NLRP5: variants seen among roughly 807,000 people sequenced by gnomAD.
The protein encoded by NLRP5 is NACHT, LRR and PYD domains-containing protein 5.
Under a neutral mutation model 113.1 loss-of-function variants are expected in NLRP5, and 93 were observed. The ratio of observed to expected loss-of-function variants is 0.82; its 90% CI spans 0.70 to 0.98. NLRP5 has a LOEUF of 0.98. NLRP5 is among the 50% of genes least tolerant of loss of function. The pLI is 0.00. For missense variants in NLRP5, 1,808 were observed against 1,514.3 expected (o/e 1.19, Z -3.22); for synonymous variants, 751 against 600.7 (o/e 1.25, Z -3.66).
At chr19:56,039,818 G>T (rs1462712252) in intron 10 of NLRP5, among the ~76,000 whole-genome samples, 4 of 152,146 alleles carry the variant, frequency 2.6e-5, no homozygotes, top group African/African-American at 9.7e-5. Flanking sequence ...GGAGGCTGAG[G>T]CAGGAGACTC....
chr19:56,033,418 GTTT>G (rs1168006401), intron 8 of NLRP5, 121 bp from the exon 9 acceptor site: 9 of 762,128 alleles, frequency 1.2e-5, no homozygotes, highest in Non-Finnish European at 2.0e-5. Context: ...GGTATTCGTT[GTTT>G]TAAAAGGAAA....
chr19:56,013,442 T>C (rs2123284155), intron 3 of NLRP5, among the ~76,000 whole-genome samples: 1 of 152,166 alleles, frequency 6.6e-6, no homozygotes, highest in Middle Eastern at 3.4e-3. Context: ...TCTGCCCACC[T>C]CAGCCTCCCA....
Position 56,008,775 on chromosome 19 carries a change from CTT to C in NLRP5, c.443-11_443-10del, listed in dbSNP as rs1982054007. On this transcript the variant is annotated splice_polypyrimidine_tract_variant and intron_variant, in intron 2 of 14. Coordinates refer to ENST00000390649, the MANE Select transcript of NLRP5 (RefSeq NM_153447.4). The stretch of plus-strand genomic sequence containing the variant: ...TTCATTGAGGCCAGTCTCCCTTTTT[CTT>C]TGTCTTCCAGGACATTCACCAGAAG... 2 of 1,602,096 alleles carry C rather than the reference CTT, an allele frequency of 1.2e-6. No homozygotes were observed. Among genetic ancestry groups the C allele is most frequent in the East Asian group, 4.5e-5 (2 of 44,690 alleles).
At chr19:56,005,107 A>AAAAAAAAAAAAAAATATATATATATAT (rs1173746273) in intron 2 of NLRP5, among the ~76,000 whole-genome samples, 1 of 95,344 alleles carries the variant, frequency 1.0e-5, no homozygotes, top group African/African-American at 3.9e-5. Context: ...AAAAAAAAAA[A>AAAAAAAAAAAAAAATATATATATATAT]ATATATATAT....
intron 10 of NLRP5, among the ~76,000 whole-genome samples, chr19:56,038,837 CAG>C (rs1184046198): frequency 3.9e-5 from 6 of 152,120 alleles, no homozygotes; most frequent in Admixed American, 6.6e-5. Context: ...TTTTCCGTGT[CAG>C]AGTTTTGTTG....
At position 56,055,792 on chromosome 19, in the gene NLRP5, G is replaced by A. The variant is rs573013550; in HGVS notation, c.3299+1984G>A. Among the ~76,000 whole-genome samples the A allele has an allele frequency of 5.3e-3, 811 of 151,834 alleles. 5 individuals carry two copies. Among genetic ancestry groups the A allele is most frequent in the African/African-American group, 0.018 (740 of 41,388 alleles). ...AATCTCCTGACCTCATGATCTGCCC[G>A]CCTTGGCCTCCCAAAGTGCTGGGAT... On this transcript the variant is annotated intron_variant, in intron 13 of 14. Transcript: ENST00000390649.
chr19:56,049,379 C>G (rs1467795574), intron 11 of NLRP5, among the ~76,000 whole-genome samples: 6 of 152,098 alleles, frequency 3.9e-5, no homozygotes. Context: ...TGGGGTTTCT[C>G]CATGTTGGTC....
intron 9 of NLRP5, among the ~76,000 whole-genome samples, chr19:56,034,932 A>G (rs559367524): frequency 1.3e-5 from 2 of 152,130 alleles, no homozygotes; most frequent in East Asian, 1.9e-4. Flanking sequence ...CAACTATTTA[A>G]TGTTTATATA....
chr19:56,018,618 T>C lies in NLRP5; in HGVS notation c.566-724T>C, dbSNP rs187799473. ...AATTCTTTTTTTAAGAGAGAGAGTT[T>C]TGCTGTATTGCTGAGACTACAATGC... is the stretch of plus-strand genomic sequence containing the variant. On this transcript the variant is annotated intron_variant, in intron 4 of 14. Coordinates refer to ENST00000390649, the MANE Select transcript of NLRP5 (RefSeq NM_153447.4). 6 of 152,326 alleles carry C rather than the reference T, an allele frequency of 3.9e-5. No homozygotes were observed. In the East Asian group the frequency reaches 1.2e-3, roughly 29 times the overall value. The allele number at this position is 152,326 out of a possible 1,614,324, so 9.4% of individuals were successfully genotyped here. A position where few individuals can be genotyped will look rare whatever the true frequency, so the allele number is the denominator to read the frequency against.
chr19:56,011,188 C>CT (rs1982177512), intron 3 of NLRP5, among the ~76,000 whole-genome samples: 1 of 151,724 alleles, frequency 6.6e-6, no homozygotes, highest in South Asian at 2.1e-4. Flanking sequence ...TTAATGTATG[C>CT]TACAAGATGG....
At chr19:56,010,742 C>CCCAAAAAAAAAAAAAAAAAAAAAA (rs1555764914) in intron 3 of NLRP5, among the ~76,000 whole-genome samples, 2 of 41,278 alleles carry the variant, frequency 4.8e-5, no homozygotes, top group African/African-American at 1.0e-4. Flanking sequence ...AACTCTGTCT[C>CCCAAAAAAAAAAAAAAAAAAAAAA]AAAAAAAAAA....
chr19:56,021,879 A>G (rs1263706619), intron 6 of NLRP5, among the ~76,000 whole-genome samples: 3 of 152,158 alleles, frequency 2.0e-5, no homozygotes, highest in African/African-American at 7.2e-5. Context: ...TTCTGAAAAA[A>G]GGGGCTCTGG....
At chr19:56,021,937 C>CT (rs1982632315) in intron 6 of NLRP5, among the ~76,000 whole-genome samples, 1 of 152,134 alleles carries the variant, frequency 6.6e-6, no homozygotes, top group Non-Finnish European at 1.5e-5. Flanking sequence ...GTGGTGATGC[C>CT]AGGAGTCAGT....
the NLRP5 span, among the ~76,000 whole-genome samples, chr19:55,991,337 ATTC>A: frequency 1.2e-3 from 176 of 152,302 alleles, no homozygotes; most frequent in African/African-American, 3.8e-3. Flanking sequence ...AGTGAATATC[ATTC>A]TTCTTAGAAT....
Position 56,008,773 on chromosome 19 carries a change from T to G in NLRP5, c.443-15T>G, listed in dbSNP as rs775929051. ...ACTTCATTGAGGCCAGTCTCCCTTT[T>G]TCTTTGTCTTCCAGGACATTCACCA... On this transcript the variant is annotated splice_polypyrimidine_tract_variant and intron_variant, in intron 2 of 14. Coordinates refer to ENST00000390649, the MANE Select transcript of NLRP5 (RefSeq NM_153447.4). The G allele has an allele frequency of 1.2e-5, 19 of 1,601,052 alleles. No homozygotes were observed. The highest frequency in any genetic ancestry group is 1.6e-5 in the Non-Finnish European group (19 of 1,173,478).
the NLRP5 span, among the ~76,000 whole-genome samples, chr19:55,993,392 TCTCCC>T: frequency 7.4e-5 from 1 of 13,604 alleles, no homozygotes; most frequent in Non-Finnish European, 1.3e-4. Flanking sequence ...CTCCCCCTCC[TCTCCC>T]CCTCCTCTCC....
At chr19:56,050,020 C>T (rs913602400) in intron 11 of NLRP5, among the ~76,000 whole-genome samples, 2 of 152,094 alleles carry the variant, frequency 1.3e-5, no homozygotes, top group African/African-American at 4.8e-5. Flanking sequence ...TGGCTGACAC[C>T]TGTAATCCCA....
At chr19:56,041,148 G>A (rs988416684) in intron 11 of NLRP5, 56 bp downstream of exon 11, 2 of 1,564,864 alleles carry the variant, frequency 1.3e-6, no homozygotes, top group Non-Finnish European at 8.8e-7. Flanking sequence ...ATAGCATGGT[G>A]TAGCTCTCAA....
rs770795511 is a variant in NLRP5, at chr19:56,008,839, A to G, written c.494A>G (p.Lys165Arg). ...ACGATGACTGACCAAGGACCAAGCA[A>G]GGAAAAAGTGCCAGGTTAGAGGGGT... Residue 165 changes from lysine to arginine, a missense_variant, in exon 3 of 15, where the codon AAG becomes AGG. Lys to Arg is a conservative substitution (Grantham distance 26, BLOSUM62 2). Transcript: ENST00000390649. 6.2e-7 allele frequency: 1 copy of G among 1,612,602 alleles called. No individual in the cohort carries two copies. Among genetic ancestry groups the G allele is most frequent in the East Asian group, 2.2e-5 (1 of 44,872 alleles).
Sources: allele counts gnomAD v4.1 joint callset (sites outside exome capture counted in the v4.1 genomes callset), GRCh38; gene constraint gnomAD v4.1.1; transcripts MANE v1.5; gene names NCBI Gene and HGNC (gene_info 2026-07-23, HGNC 2026-07-21).